The following NKX1-1 variants were observed in gnomAD, a reference collection of about 807,000 sequenced individuals.
The protein encoded by NKX1-1 is NK1 transcription factor-related protein 1.
A neutral mutation model predicts 1.7 loss-of-function variants in NKX1-1; 7 were observed. That is an observed-to-expected ratio of 4.22 (90% CI 2.40 to 7.92). NKX1-1 has a LOEUF of 7.92. NKX1-1 is among the 30% of genes most tolerant of loss of function. NKX1-1 has a pLI of 0.00. For synonymous variants in NKX1-1, 242 were observed against 85.3 expected, an observed-to-expected ratio of 2.84 and a Z score of -10.13; for missense variants, 453 against 171.5, an observed-to-expected ratio of 2.64 and a Z score of -9.17.
chr4:1,404,715 G>A (rs550011003), intron 1 of NKX1-1, among the ~76,000 whole-genome samples: 1 of 152,258 alleles, frequency 6.6e-6, no homozygotes, highest in Non-Finnish European at 1.5e-5. Flanking sequence ...GTCAGGAGGA[G>A]TCGGGGCAGG....
intron 1 of NKX1-1, among the ~76,000 whole-genome samples, chr4:1,405,073 T>C (rs1342741227): frequency 6.6e-6 from 1 of 152,170 alleles, no homozygotes; most frequent in Admixed American, 6.5e-5. Context: ...GCAGAGTCCG[T>C]AGGGTCCCCT....
In NKX1-1 at chr4:1,403,404, T is replaced by C; in HGVS notation, c.875A>G (p.Lys292Arg). Residue 292 changes from lysine (K) to arginine (R), a missense_variant, in exon 2 of 2, where the codon AAG (lysine) becomes AGG (arginine). By Grantham distance (26) the Lys-to-Arg change is conservative. Coordinates refer to ENST00000422806, the MANE Select transcript of NKX1-1 (RefSeq NM_001290079.1). ...PKRKRTGSDS[K>R]SGKPRRARTA... ...GCGCGCTCGCCGCGGCTTCCCGGAC[T>C]TGGAGTCGGACCCCGTGCGCTTCCG... 3.0e-6 allele frequency: 2 copies of C among 668,246 alleles called. No individual in the cohort carries two copies. The highest frequency in any genetic ancestry group is 3.2e-5 in the East Asian group (1 of 30,994). The allele number at this position is 668,246 out of a possible 1,614,324, so 41.4% of individuals were successfully genotyped here.
Position 1,403,146 on chromosome 4 carries a change from G to A in NKX1-1, c.1133C>T (p.Thr378Met). Residue 378 changes from threonine to methionine, a missense_variant, in exon 2 of 2, where the codon ACG becomes ATG. Thr to Met is a moderately conservative substitution (Grantham distance 81). Transcript: ENST00000422806. ...CGGGCTGAGGCCGCCGGGCAGCCCC[G>A]TGCCAGGCCCGGCCCCCGGTCCCGG... ...GGPGPGAGPGTGLPGGLSPLS... is the reference protein window; with the variant it reads ...GGPGPGAGPGMGLPGGLSPLS... 1 of 538,498 alleles carries A rather than the reference G, an allele frequency of 1.9e-6. No homozygotes were observed. The highest frequency in any genetic ancestry group is 3.3e-6 in the Non-Finnish European group (1 of 303,552). The allele number at this position is 538,498 out of a possible 1,614,324, so 33.4% of individuals were successfully genotyped here.
chr4:1,405,192 G>T (rs374512947), intron 1 of NKX1-1, among the ~76,000 whole-genome samples: 33 of 152,286 alleles, frequency 2.2e-4, no homozygotes, highest in African/African-American at 7.7e-4. Flanking sequence ...GGCCCAGCCC[G>T]GTCCGCCCCG....
chr4:1,405,950 G>A, intron 1 of NKX1-1, 30 bp downstream of exon 1: 2 of 446,982 alleles, frequency 4.5e-6, no homozygotes, highest in Non-Finnish European at 7.8e-6. Flanking sequence ...CCCCGTCCCT[G>A]CGACCTGGTG....
At position 1,406,150 on chromosome 4, in the gene NKX1-1, C is replaced by T. The variant is rs1720747303; in HGVS notation, c.293G>A (p.Arg98His). ...CACTGGGCCCAGCAGCACGCAACGA[C>T]GCCTCCTGCTGTTGAACTTGTTGGG... ...LDPNKFNSRR[R>H]RCVLLGPVAP... The change falls in exon 1 of 2, where the codon CGT (arginine) becomes CAT (histidine). Residue 98 changes from arginine to histidine, a missense_variant. By Grantham distance (29) the Arg-to-His change is conservative. Coordinates refer to ENST00000422806, the MANE Select transcript of NKX1-1 (RefSeq NM_001290079.1). 2 of 619,670 alleles carry T rather than the reference C, an allele frequency of 3.2e-6. No homozygotes were observed. The highest frequency in any genetic ancestry group is 2.6e-4 in the Middle Eastern group (1 of 3,824). The allele number at this position is 619,670 out of a possible 1,614,324, so 38.4% of individuals were successfully genotyped here.
chr4:1,406,295 C>T lies in NKX1-1; in HGVS notation c.148G>A (p.Ala50Thr). The T allele has an allele frequency of 4.9e-6, 2 of 404,802 alleles. No homozygotes were observed. The highest frequency in any genetic ancestry group is 8.6e-6 in the Non-Finnish European group (2 of 231,992). 25.1% of individuals were successfully genotyped at this position (404,802 alleles called of 1,614,324 possible). A position where few individuals can be genotyped will look rare whatever the true frequency, so the allele number is the denominator to read the frequency against. Residue 50 changes from alanine (A) to threonine (T), a missense_variant, in exon 1 of 2, where the codon GCT becomes ACT. Transcript: ENST00000422806. ...CTGGCCGCGAGCGGCGGGGCTCCAG[C>T]GCGGGGAAAGGCCGGCAGCTCGGCG... ...GRAELPAFPR[A>T]GAPPLAASDT...
intron 1 of NKX1-1, 26 bp from the exon 2 acceptor site, chr4:1,403,841 G>A (rs1467942670): frequency 1.6e-6 from 1 of 630,374 alleles, no homozygotes; most frequent in Non-Finnish European, 2.8e-6. Flanking sequence ...ACAAGGACAG[G>A]GCAGGGCAGT....
intron 1 of NKX1-1, among the ~76,000 whole-genome samples, chr4:1,405,341 A>AT (rs1158062686): frequency 6.6e-6 from 1 of 152,182 alleles, no homozygotes; most frequent in African/African-American, 2.4e-5. Flanking sequence ...TAATCGAGTA[A>AT]TTATCCGAAT....
chr4:1,404,604 C>G (rs1290518952), intron 1 of NKX1-1, among the ~76,000 whole-genome samples: 1 of 152,222 alleles, frequency 6.6e-6, no homozygotes, highest in Non-Finnish European at 1.5e-5. Flanking sequence ...CCGCATCCTC[C>G]AAGCAGAGGC....
chr4:1,403,059 G>A lies in NKX1-1; in HGVS notation c.1220C>T (p.Ala407Val). 1.9e-6 allele frequency: 1 copy of A among 514,888 alleles called. No homozygotes were observed. Among genetic ancestry groups the A allele is most frequent in the Non-Finnish European group, 3.4e-6 (1 of 293,052 alleles). 31.9% of individuals were successfully genotyped at this position (514,888 alleles called of 1,614,324 possible). Reference protein sequence around the residue: ...LGMHGPAGYPAHGPGGLVCAA... With the variant: ...LGMHGPAGYPVHGPGGLVCAA... ...GCACACCAGGCCTCCGGGGCCGTGC[G>A]CCGGGTACCCGGCCGGGCCGTGCAT... Residue 407 changes from alanine (A) to valine (V), a missense_variant, in exon 2 of 2, where the codon GCG (alanine) becomes GTG (valine). Physicochemically the swap from Ala to Val is moderately conservative, Grantham distance 64. Transcript: ENST00000422806.
chr4:1,404,741 T>C (rs1019188065), intron 1 of NKX1-1, among the ~76,000 whole-genome samples: 1 of 152,236 alleles, frequency 6.6e-6, no homozygotes, highest in Non-Finnish European at 1.5e-5. Context: ...TCCACAGAGC[T>C]GCCCAGCGGC....
At position 1,402,950 on chromosome 4, in the gene NKX1-1, G is replaced by A. The variant is rs760597407; in HGVS notation, c.1329C>T (p.Phe443=). ...LGSQTYGAPA[F]YAPHL The stretch of plus-strand genomic sequence containing the variant: ...ACGGGGCTCAGAGGTGCGGCGCGTA[G>A]AAGGCGGGCGCCCCGTAGGTCTGCG... The change falls in exon 2 of 2, where the codon TTC becomes TTT. Residue 443 remains phenylalanine, a synonymous_variant. Transcript: ENST00000422806. 13 of 666,224 alleles carry A rather than the reference G, an allele frequency of 2.0e-5. No individual in the cohort carries two copies. The highest frequency in any genetic ancestry group is 3.5e-5 in the Non-Finnish European group (13 of 370,148). The allele number at this position is 666,224 out of a possible 1,614,324, so 41.3% of individuals were successfully genotyped here. A position where few individuals can be genotyped will look rare whatever the true frequency, so the allele number is the denominator to read the frequency against.
At chr4:1,405,951 C>A (rs1720742665) in intron 1 of NKX1-1, 29 bp downstream of exon 1, 4 of 446,862 alleles carry the variant, frequency 9.0e-6, no homozygotes, top group Non-Finnish European at 1.6e-5. Context: ...CCCGTCCCTG[C>A]GACCTGGTGC....
Position 1,406,309 on chromosome 4 carries a change from G to C in NKX1-1, c.134C>G (p.Pro45Arg). ...QEAMDGRAEL[P>R]AFPRAGAPPL... is the part of the protein sequence containing the mutation. ...CGGGGCTCCAGCGCGGGGAAAGGCC[G>C]GCAGCTCGGCGCGCCCGTCCATAGC... Residue 45 changes from proline to arginine, a missense_variant, in exon 1 of 2, where the codon CCG (proline) becomes CGG (arginine). Transcript: ENST00000422806. 3 of 396,924 alleles carry C rather than the reference G, an allele frequency of 7.6e-6. No individual in the cohort carries two copies. The allele number at this position is 396,924 out of a possible 1,614,324, so 24.6% of individuals were successfully genotyped here. A position where few individuals can be genotyped will look rare whatever the true frequency, so the allele number is the denominator to read the frequency against.
In NKX1-1 at chr4:1,403,544, C is replaced by T; in HGVS notation, c.735G>A (p.Ala245=). 2.2e-6 allele frequency: 1 copy of T among 458,676 alleles called. No homozygotes were observed. Among genetic ancestry groups the T allele is most frequent in the African/African-American group, 2.1e-5 (1 of 48,694 alleles). 28.4% of individuals were successfully genotyped at this position (458,676 alleles called of 1,614,324 possible). The change falls in exon 2 of 2, where the codon GCG becomes GCA. Residue 245 remains alanine (A), a synonymous_variant. Coordinates refer to ENST00000422806, the MANE Select transcript of NKX1-1 (RefSeq NM_001290079.1). ...ASPGATVDEA[A]APGPRENSPV... ...GCGAGTTCTCGCGGGGTCCGGGGGCCGCTGCCTCGTCGACGGTGGCTCCGG... is the reference window on the plus strand; with the variant it reads ...GCGAGTTCTCGCGGGGTCCGGGGGCTGCTGCCTCGTCGACGGTGGCTCCGG...
chr4:1,403,857 C>T lies in NKX1-1; in HGVS notation c.464-42G>A, dbSNP rs1471036833. 5.2e-6 allele frequency: 3 copies of T among 577,880 alleles called. No individual in the cohort carries two copies. The African/African-American group carries it at 5.9e-5, about 11-fold the overall frequency. The allele number at this position is 577,880 out of a possible 1,614,324, so 35.8% of individuals were successfully genotyped here. On this transcript the variant is annotated intron_variant, in intron 1 of 1. Coordinates refer to ENST00000422806, the MANE Select transcript of NKX1-1 (RefSeq NM_001290079.1). Reference sequence around the variant, plus strand: ...CAAGGACAGGGCAGGGCAGTTAGGACCGGCCGGTTCCCAGATCCCGCCCTC... The same window carrying T: ...CAAGGACAGGGCAGGGCAGTTAGGATCGGCCGGTTCCCAGATCCCGCCCTC...
chr4:1,406,156 CT>C lies in NKX1-1; in HGVS notation c.286del (p.Arg96GlyfsTer245). The C allele has an allele frequency of 1.6e-6, 1 of 620,324 alleles. No individual in the cohort carries two copies. Among genetic ancestry groups the C allele is most frequent in the Non-Finnish European group, 2.9e-6 (1 of 345,946 alleles). The allele number at this position is 620,324 out of a possible 1,614,324, so 38.4% of individuals were successfully genotyped here. A position where few individuals can be genotyped will look rare whatever the true frequency, so the allele number is the denominator to read the frequency against. ...GCCCAGCAGCACGCAACGACGCCTC[CT>C]GCTGTTGAACTTGTTGGGGTCCAGG... is the stretch of plus-strand genomic sequence containing the variant. ...DILDPNKFNS[R>X]RRRCVLLGPV... On this transcript the variant is annotated frameshift_variant, in exon 1 of 2. Coordinates refer to ENST00000422806, the MANE Select transcript of NKX1-1 (RefSeq NM_001290079.1). LOFTEE classifies it high-confidence loss of function.
chr4:1,404,642 G>A (rs1720720394), intron 1 of NKX1-1, among the ~76,000 whole-genome samples: 1 of 152,244 alleles, frequency 6.6e-6, no homozygotes, highest in Non-Finnish European at 1.5e-5. Flanking sequence ...TTGAGTCTCT[G>A]AAATTTGGAA....
Sources: allele counts gnomAD v4.1 joint callset (sites outside exome capture counted in the v4.1 genomes callset), GRCh38; gene constraint gnomAD v4.1.1; transcripts MANE v1.5; gene names NCBI Gene and HGNC (gene_info 2026-07-23, HGNC 2026-07-21).